The following PCLO variants were observed in gnomAD, a reference collection of about 807,000 sequenced individuals.
PCLO encodes piccolo presynaptic cytomatrix protein.
Under a neutral mutation model 427.5 loss-of-function variants are expected in PCLO, and 82 were observed. The observed-to-expected ratio is 0.19, with a 90% CI of 0.16 to 0.23. PCLO has a LOEUF of 0.23. Ranked by LOEUF, PCLO falls within the 10% of genes least tolerant of loss-of-function variation. The pLI is 1.00. For synonymous variants in PCLO, 2,357 were observed against 2,155.4 expected (o/e 1.09, Z -2.59); for missense variants, 6,239 against 6,115.9 (o/e 1.02, Z -0.67).
chr7:82,869,469 T>A lies in PCLO; in HGVS notation c.13654+9868A>T, dbSNP rs181886080. Among the ~76,000 whole-genome samples the A allele has an allele frequency of 2.0e-3, 307 of 152,176 alleles. 1 individual carries two copies. The highest frequency in any genetic ancestry group is 0.01 in the Middle Eastern group (3 of 294). The stretch of plus-strand genomic sequence containing the variant: ...TATCAAATCTCAACAGAGATTGTCA[T>A]GAAAATTGAAAAACAGATTCCAGAA... On this transcript the variant is annotated intron_variant, in intron 10 of 24. Transcript: ENST00000333891.
rs1354467861 is a variant in PCLO, at chr7:82,953,054, A to C, written c.7899T>G (p.Ile2633Met). 1.2e-6 allele frequency: 2 copies of C among 1,613,986 alleles called. No individual in the cohort carries two copies. Among genetic ancestry groups the C allele is most frequent in the South Asian group, 1.1e-5 (1 of 91,084 alleles). ...AGATGTAGAAGGTCTGTTCTGAAGA[A>C]ATTGGAATTTCTACAGCTGTCACAG... ...VPPVTAVEIP[I>M]SSEQTFYISG... The change falls in exon 5 of 25, where the codon ATT becomes ATG. Residue 2633 changes from isoleucine to methionine, a missense_variant. This residue lies in a region of PCLO where 4,677 missense variants were observed against 4,468.4 expected (regional missense o/e 1.05). Coordinates refer to ENST00000333891, the MANE Select transcript of PCLO (RefSeq NM_033026.6).
chr7:82,953,730 G>A lies in PCLO; in HGVS notation c.7223C>T (p.Pro2408Leu), dbSNP rs1795427045. The change falls in exon 5 of 25, where the codon CCT becomes CTT. Residue 2408 changes from proline to leucine, a missense_variant. This residue lies in a region of PCLO where 4,677 missense variants were observed against 4,468.4 expected (regional missense o/e 1.05). Transcript: ENST00000333891. ...SLDISAQPPP[P>L]PPPPPPPPPP... is the part of the protein sequence containing the mutation. Reference sequence around the variant, plus strand: ...AGGAGGAGGAGGGGGAGGGGGAGGAGGGGGAGGAGGTTGAGCTGATATATC... The same window carrying A: ...AGGAGGAGGAGGGGGAGGGGGAGGAAGGGGAGGAGGTTGAGCTGATATATC... The A allele has an allele frequency of 2.1e-6, 3 of 1,461,356 alleles. No individual in the cohort carries two copies. Among genetic ancestry groups the A allele is most frequent in the African/African-American group, 1.5e-5 (1 of 68,006 alleles). The allele number at this position is 1,461,356 out of a possible 1,614,324, so 90.5% of individuals were successfully genotyped here.
chr7:83,054,337 T>C (rs1361454625), intron 3 of PCLO, among the ~76,000 whole-genome samples: 4 of 152,042 alleles, frequency 2.6e-5, no homozygotes, highest in Non-Finnish European at 5.9e-5. Context: ...ATATTGGAAA[T>C]CCAACCAGCC....
At chr7:83,049,422 A>G (rs963267559) in intron 3 of PCLO, among the ~76,000 whole-genome samples, 2 of 152,132 alleles carry the variant, frequency 1.3e-5, no homozygotes, top group Non-Finnish European at 2.9e-5. Flanking sequence ...ATTATTTCCA[A>G]AAGCCAGCAA....
rs1194901012 is a variant in PCLO, at chr7:82,754,819, C to G, written c.*3756G>C. On this transcript the variant is annotated 3_prime_UTR_variant, in exon 25 of 25. Coordinates refer to ENST00000333891, the MANE Select transcript of PCLO (RefSeq NM_033026.6). The stretch of plus-strand genomic sequence containing the variant: ...TAATTATTCATTGAGTCTTCTTTCA[C>G]TTTCATGTCAAGCTCAAAAAGAGGG... The G allele has an allele frequency of 1.3e-5, 2 of 152,044 alleles. No individual in the cohort carries two copies. Among genetic ancestry groups the G allele is most frequent in the Admixed American group, 6.6e-5 (1 of 15,258 alleles). 9.4% of individuals were successfully genotyped at this position (152,044 alleles called of 1,614,324 possible).
chr7:83,158,446 T>C (rs1792352528), intron 1 of PCLO, among the ~76,000 whole-genome samples: 1 of 151,966 alleles, frequency 6.6e-6, no homozygotes, highest in African/African-American at 2.4e-5. Flanking sequence ...GGCAATCCTA[T>C]GAGTAATCAT....
intron 20 of PCLO, 27 bp downstream of exon 20, chr7:82,822,468 G>A: frequency 1.2e-6 from 2 of 1,613,626 alleles, no homozygotes; most frequent in African/African-American, 1.3e-5. Context: ...AAGCTGCCAT[G>A]CTGAGGAATT....
At chr7:82,996,157 T>G (rs1023626783) in intron 3 of PCLO, among the ~76,000 whole-genome samples, 1 of 151,888 alleles carries the variant, frequency 6.6e-6, no homozygotes, top group Admixed American at 6.6e-5. Flanking sequence ...AAATATGATC[T>G]GATTTTGCTA....
At chr7:82,998,391 AAACAACAACAACAACAACAACAACAAC>A (rs79603092) in intron 3 of PCLO, among the ~76,000 whole-genome samples, 6 of 149,174 alleles carry the variant, frequency 4.0e-5, no homozygotes, top group African/African-American at 7.4e-5. Context: ...TGTCCTTTAA[AAACAACAACAACAACAACAACAACAAC>A]AACAACAACA....
At chr7:82,976,223 G>C (rs1047528092) in intron 3 of PCLO, among the ~76,000 whole-genome samples, 1 of 152,078 alleles carries the variant, frequency 6.6e-6, no homozygotes, top group Non-Finnish European at 1.5e-5. Context: ...TTTTCCTCTA[G>C]ATTCTCCTTC....
Position 82,915,662 on chromosome 7 carries a change from C to T in PCLO, c.12324G>A (p.Val4108=), listed in dbSNP as rs1011092038. The T allele has an allele frequency of 6.2e-7, 1 of 1,613,306 alleles. No homozygotes were observed. ...CCTCCATTGGGTCTTCCTCCGCCTTCACATAACTATGCAATCTAGAGGAAG... is the reference window on the plus strand; with the variant it reads ...CCTCCATTGGGTCTTCCTCCGCCTTTACATAACTATGCAATCTAGAGGAAG... ...LQSSSRLHSY[V]KAEEDPMEDP... Residue 4108 remains valine, a synonymous_variant, in exon 7 of 25, where the codon GTG becomes GTA. Coordinates refer to ENST00000333891, the MANE Select transcript of PCLO (RefSeq NM_033026.6).
intron 3 of PCLO, among the ~76,000 whole-genome samples, chr7:83,038,003 A>ATT (rs1400410650): frequency 2.7e-5 from 1 of 36,532 alleles, no homozygotes; most frequent in African/African-American, 2.1e-4. Context: ...ATATATATAT[A>ATT]TATATATATA....
chr7:83,051,772 T>C (rs1789260340), intron 3 of PCLO, among the ~76,000 whole-genome samples: 1 of 151,948 alleles, frequency 6.6e-6, no homozygotes, highest in Non-Finnish European at 1.5e-5. Flanking sequence ...AAGAAGAAAG[T>C]TGAAGGGCTG....
intron 16 of PCLO, among the ~76,000 whole-genome samples, chr7:82,830,083 T>C (rs1451970569): frequency 6.6e-6 from 1 of 151,904 alleles, no homozygotes; most frequent in African/African-American, 2.4e-5. Flanking sequence ...TTGTAAATTA[T>C]GAATATTAAA....
rs1315069923 is a variant in PCLO, at chr7:82,795,300, A to C, written c.15007+6218T>G. On this transcript the variant is annotated intron_variant, in intron 22 of 24. Transcript: ENST00000333891. ...GACTGGTTAAGTTATCCATTTGCCC[A>C]TTTATCTATTTGTCTATTTTGTGTA... Among the ~76,000 whole-genome samples the C allele has an allele frequency of 2.0e-5, 3 of 152,062 alleles. No homozygotes were observed. In the East Asian group the frequency reaches 5.8e-4, roughly 29 times the overall value.
intron 6 of PCLO, among the ~76,000 whole-genome samples, chr7:82,925,403 C>G (rs1794689439): frequency 6.6e-6 from 1 of 152,066 alleles, no homozygotes; most frequent in Non-Finnish European, 1.5e-5. Flanking sequence ...GGAAACATCC[C>G]TTTACACATC....
intron 14 of PCLO, among the ~76,000 whole-genome samples, chr7:82,841,067 A>T (rs1792354645): frequency 6.6e-6 from 1 of 151,934 alleles, no homozygotes; most frequent in Admixed American, 6.6e-5. Context: ...TACAAAAACT[A>T]TTCAGCAATT....
intron 22 of PCLO, among the ~76,000 whole-genome samples, chr7:82,788,366 A>G (rs1791029762): frequency 1.3e-5 from 2 of 151,078 alleles, no homozygotes; most frequent in Admixed American, 6.6e-5. Context: ...TTAAAAACCA[A>G]AATAATAACT....
At chr7:83,148,195 C>T (rs753858354) in intron 2 of PCLO, among the ~76,000 whole-genome samples, 25 of 152,106 alleles carry the variant, frequency 1.6e-4, no homozygotes, top group Non-Finnish European at 2.6e-4. Flanking sequence ...AGGACTACAG[C>T]CGATTAGAAT....
Sources: gnomAD v4.1 joint callset for allele counts (sites outside exome capture counted in the v4.1 genomes callset) on GRCh38, gnomAD v4.1.1 for gene constraint, gnomAD v4.1.1 regional missense constraint, MANE v1.5 for transcripts, NCBI Gene and HGNC (gene_info 2026-07-23, HGNC 2026-07-21) for gene names.